The following ADARB2 variants were observed in gnomAD, a reference collection of about 807,000 sequenced individuals.
The protein encoded by ADARB2 is adenosine deaminase RNA specific B2 (inactive).
In ADARB2, 25 loss-of-function variants were observed where a neutral mutation model predicts 62.2. That is an observed-to-expected ratio of 0.40 (90% CI 0.29 to 0.56). ADARB2 has a LOEUF of 0.56. ADARB2 is among the 20% of genes least tolerant of loss of function. ADARB2 has a pLI of 0.43. For synonymous variants in ADARB2, 572 were observed against 500.8 expected (o/e 1.14, Z -1.90); for missense variants, 1,071 against 1,077.4 (o/e 0.99, Z 0.08).
At chr10:1,441,806 C>T (rs538148844) in intron 1 of ADARB2, among the ~76,000 whole-genome samples, 23 of 152,076 alleles carry the variant, frequency 1.5e-4, no homozygotes, top group African/African-American at 3.6e-4. Context: ...CTGTATTTTA[C>T]GCAGATGAGG....
chr10:1,529,564 G>A (rs1375897260), intron 1 of ADARB2, among the ~76,000 whole-genome samples: 1 of 152,082 alleles, frequency 6.6e-6, no homozygotes, highest in Non-Finnish European at 1.5e-5. Flanking sequence ...CCTCTCCTGT[G>A]ACCCCTTCCA....
chr10:1,534,143 T>A (rs533051920), intron 1 of ADARB2, among the ~76,000 whole-genome samples: 1 of 151,210 alleles, frequency 6.6e-6, no homozygotes, highest in African/African-American at 2.4e-5. Flanking sequence ...AATAGTTTTT[T>A]TTTTTTTTTT....
At chr10:1,342,650 G>T (rs1832041314) in intron 3 of ADARB2, among the ~76,000 whole-genome samples, 1 of 152,184 alleles carries the variant, frequency 6.6e-6, no homozygotes, top group African/African-American at 2.4e-5. Context: ...TAGCACTTGA[G>T]GACATCAGCA....
chr10:1,452,986 G>A (rs964608450), intron 1 of ADARB2, among the ~76,000 whole-genome samples: 1 of 152,142 alleles, frequency 6.6e-6, no homozygotes, highest in Non-Finnish European at 1.5e-5. Context: ...GGGTTGGGCC[G>A]GGCCTGACAA....
At chr10:1,475,403 G>A (rs953502673) in intron 1 of ADARB2, among the ~76,000 whole-genome samples, 3 of 152,210 alleles carry the variant, frequency 2.0e-5, no homozygotes, top group Non-Finnish European at 4.4e-5. Flanking sequence ...TCACTCTCTT[G>A]CTTTCTGTCC....
chr10:1,463,172 G>A (rs913547715), intron 1 of ADARB2, among the ~76,000 whole-genome samples: 13 of 152,162 alleles, frequency 8.5e-5, no homozygotes, highest in Admixed American at 7.9e-4. Flanking sequence ...CTGCAGCGGG[G>A]GCACAGGAAG....
intron 1 of ADARB2, among the ~76,000 whole-genome samples, chr10:1,382,981 G>T (rs771521541): frequency 7.9e-5 from 12 of 152,212 alleles, no homozygotes; most frequent in Non-Finnish European, 1.5e-4. Context: ...CCTGGGGCCG[G>T]CCCTGGTCTA....
chr10:1,507,009 C>T (rs1831860912), intron 1 of ADARB2, among the ~76,000 whole-genome samples: 1 of 152,204 alleles, frequency 6.6e-6, no homozygotes, highest in Non-Finnish European at 1.5e-5. Context: ...GGACAGTGGG[C>T]TCCCAGCCTG....
In ADARB2 at chr10:1,242,340, C is replaced by CCCCGTCT. The variant is rs1204560032; in HGVS notation, c.1193-48_1193-42dup. The CCCCGTCT allele has an allele frequency of 2.0e-6, 3 of 1,505,422 alleles. No homozygotes were observed. In the South Asian group the frequency reaches 3.6e-5, roughly 18 times the overall value. The allele number at this position is 1,505,422 out of a possible 1,614,324, so 93.3% of individuals were successfully genotyped here. On this transcript the variant is annotated intron_variant, in intron 4 of 9. Transcript: ENST00000381312. ...GCATCAGAGCAGCGTGGCCCACGGC[C>CCCCGTCT]CCCGTCTCCCTCCTCCTCGGTCTTT...
chr10:1,252,394 AG>A (rs1363643711), intron 4 of ADARB2, among the ~76,000 whole-genome samples: 1 of 152,222 alleles, frequency 6.6e-6, no homozygotes, highest in Non-Finnish European at 1.5e-5. Context: ...ACTCAACAAC[AG>A]GGTTTCCACA....
intron 1 of ADARB2, among the ~76,000 whole-genome samples, chr10:1,431,282 A>G (rs1830775503): frequency 6.6e-6 from 1 of 152,238 alleles, no homozygotes. Context: ...TAATAGAAAG[A>G]CAACAGAAAA....
intron 1 of ADARB2, among the ~76,000 whole-genome samples, chr10:1,633,045 C>T (rs2119046504): frequency 6.6e-6 from 1 of 152,228 alleles, no homozygotes; most frequent in East Asian, 1.9e-4. Flanking sequence ...CCTCCCTCTC[C>T]CCAGGGCCTC....
chr10:1,373,428 G>A (rs1832391417), intron 2 of ADARB2, among the ~76,000 whole-genome samples: 1 of 152,202 alleles, frequency 6.6e-6, no homozygotes, highest in African/African-American at 2.4e-5. Flanking sequence ...GAGGGCTCCA[G>A]CTGGTAAACA....
At chr10:1,212,112 G>A (rs1368563613) in intron 7 of ADARB2, among the ~76,000 whole-genome samples, 1 of 152,136 alleles carries the variant, frequency 6.6e-6, no homozygotes, top group Non-Finnish European at 1.5e-5. Context: ...ACTCTCCACA[G>A]AGCCCTGACT....
intron 1 of ADARB2, among the ~76,000 whole-genome samples, chr10:1,387,395 T>C (rs111699563): frequency 6.6e-6 from 1 of 151,928 alleles, no homozygotes; most frequent in Non-Finnish European, 1.5e-5. Context: ...AAAACTTCCA[T>C]GTTTTCTAAT....
intron 7 of ADARB2, among the ~76,000 whole-genome samples, chr10:1,215,342 T>G (rs991979931): frequency 3.3e-5 from 5 of 152,196 alleles, no homozygotes; most frequent in Admixed American, 2.6e-4. Context: ...GCGCACCCTC[T>G]CCCTTCTCTC....
At chr10:1,376,138 A>G (rs1832427784) in intron 2 of ADARB2, among the ~76,000 whole-genome samples, 1 of 152,260 alleles carries the variant, frequency 6.6e-6, no homozygotes, top group Non-Finnish European at 1.5e-5. Flanking sequence ...CTGGATTACA[A>G]ATGGATAAGG....
Position 1,233,772 on chromosome 10 carries a change from T to C in ADARB2, c.1435A>G (p.Ile479Val), listed in dbSNP as rs1182407838. 1 of 1,613,926 alleles carries C rather than the reference T, an allele frequency of 6.2e-7. No homozygotes were observed. Among genetic ancestry groups the C allele is most frequent in the South Asian group, 1.1e-5 (1 of 91,052 alleles). Reference sequence around the variant, plus strand: ...GTGCTCACGTAGAGATGGAAGAGGATGTTCTCTCGCAGCCGGTAGCCACCT... The same window carrying C: ...GTGCTCACGTAGAGATGGAAGAGGACGTTCTCTCGCAGCCGGTAGCCACCT... ...KEGGYRLRENILFHLYVSTSP... is the reference protein window; with the variant it reads ...KEGGYRLRENVLFHLYVSTSP... Residue 479 changes from isoleucine to valine, a missense_variant, in exon 6 of 10, where the codon ATC becomes GTC. Coordinates refer to ENST00000381312, the MANE Select transcript of ADARB2 (RefSeq NM_018702.4).
intron 4 of ADARB2, among the ~76,000 whole-genome samples, chr10:1,263,739 G>A (rs1423802863): frequency 4.6e-5 from 7 of 152,070 alleles, no homozygotes; most frequent in Admixed American, 3.9e-4. Context: ...TTTAACTCAC[G>A]GCCAGGGCTG....
Sources: allele counts gnomAD v4.1 joint callset (sites outside exome capture counted in the v4.1 genomes callset), GRCh38; gene constraint gnomAD v4.1.1; transcripts MANE v1.5; gene names NCBI Gene and HGNC (gene_info 2026-07-23, HGNC 2026-07-21).